Variants in SMARCA2 observed in about 807,000 individuals in gnomAD.
The protein encoded by SMARCA2 is SWI/SNF related BAF chromatin remodeling complex subunit ATPase 2, also known as SWI/SNF-related matrix-associated actin-dependent regulator of chromatin subfamily A member 2.
SMARCA2 carries 61 observed loss-of-function variants against 199.8 expected under a neutral mutation model. The ratio of observed to expected loss-of-function variants is 0.31; its 90% CI spans 0.25 to 0.38. SMARCA2 has a LOEUF of 0.38. Ranked by LOEUF, SMARCA2 falls within the 10% of genes least tolerant of loss-of-function variation. The pLI, the probability that SMARCA2 is intolerant of heterozygous loss-of-function variation, is 1.00. For synonymous variants in SMARCA2, 935 were observed against 732.0 expected (o/e 1.28, Z -4.48); for missense variants, 1,344 against 2,012.2 (o/e 0.67, Z 6.35).
At chr9:2,042,915 T>G (rs1243238990) in intron 4 of SMARCA2, 6 of 152,130 alleles carry the variant, frequency 3.9e-5, no homozygotes, top group Non-Finnish European at 8.8e-5. Flanking sequence ...GCACTGCCAT[T>G]TGACAGCATT....
At chr9:2,078,947 AAAAT>A (rs1186147755) in intron 14 of SMARCA2, among the ~76,000 whole-genome samples, 1 of 152,076 alleles carries the variant, frequency 6.6e-6, no homozygotes, top group Non-Finnish European at 1.5e-5. Context: ...TCTATCCAAA[AAAAT>A]AAATAAATAA....
At chr9:2,035,675 A>G (rs1819298840) in intron 3 of SMARCA2, among the ~76,000 whole-genome samples, 1 of 152,172 alleles carries the variant, frequency 6.6e-6, no homozygotes, top group Non-Finnish European at 1.5e-5. Context: ...TTTGTGTATT[A>G]AAGAGTCAAC....
intron 27 of SMARCA2, among the ~76,000 whole-genome samples, chr9:2,126,458 G>A (rs1258896595): frequency 6.6e-6 from 1 of 152,230 alleles, no homozygotes; most frequent in East Asian, 1.9e-4. Context: ...GTGTTCACCA[G>A]CAGCAATCCT....
At chr9:2,033,120 A>C (rs370152390) in intron 3 of SMARCA2, 39 bp downstream of exon 3, 25 of 1,604,536 alleles carry the variant, frequency 1.6e-5, no homozygotes, top group African/African-American at 4.0e-5. Flanking sequence ...GTTCCCCAGC[A>C]TAGTCTTTCA....
rs1049291071 is a variant in SMARCA2, at chr9:2,056,204, C to T, written c.1174-468C>T. 1.3e-5 allele frequency among the ~76,000 whole-genome samples: 2 copies of T among 152,118 alleles called. No homozygotes were observed. Among genetic ancestry groups the T allele is most frequent in the Non-Finnish European group, 2.9e-5 (2 of 68,024 alleles). On this transcript the variant is annotated intron_variant, in intron 6 of 33. Coordinates refer to ENST00000349721, the MANE Select transcript of SMARCA2 (RefSeq NM_003070.5). The surrounding 1 kb of genome is among the most constrained non-coding windows in gnomAD (Gnocchi z 4.0). ...TCCTTTGTATGAGACTATGAATTAA[C>T]GTTGTTTGAGTACCTGCTGCTACCA...
In SMARCA2 at chr9:2,027,217, C is replaced by T. The variant is rs113001316; in HGVS notation, c.-36-1770C>T. Among the ~76,000 whole-genome samples the T allele has an allele frequency of 1.4e-3, 215 of 152,090 alleles. 1 individual carries two copies. The highest frequency in any genetic ancestry group is 5.0e-3 in the African/African-American group (206 of 41,478). ...AGCGGTTTGGGAGGCTGAGGTGGGA[C>T]GATCACTTGAGGCCAGGAGTTCAAG... On this transcript the variant is annotated intron_variant, in intron 1 of 33. Transcript: ENST00000349721.
At chr9:2,129,288 C>T (rs1393592870) in intron 27 of SMARCA2, among the ~76,000 whole-genome samples, 1 of 152,014 alleles carries the variant, frequency 6.6e-6, no homozygotes, top group South Asian at 2.1e-4. Context: ...CGTGGTGGCA[C>T]GTGCCTGTAG....
At chr9:2,144,805 A>T (rs2130698745) in intron 27 of SMARCA2, among the ~76,000 whole-genome samples, 1 of 151,884 alleles carries the variant, frequency 6.6e-6, no homozygotes, top group East Asian at 1.9e-4. Flanking sequence ...GTTGCTGATC[A>T]CAACTCATCT....
intron 1 of SMARCA2, among the ~76,000 whole-genome samples, chr9:2,015,762 C>G (rs1332086097): frequency 1.3e-5 from 2 of 152,230 alleles, no homozygotes; most frequent in Non-Finnish European, 2.9e-5. Flanking sequence ...AAGCCACAGC[C>G]TTGATCCTGA....
intron 29 of SMARCA2, among the ~76,000 whole-genome samples, chr9:2,177,314 C>T (rs1453280832): frequency 2.0e-5 from 3 of 152,190 alleles, no homozygotes; most frequent in East Asian, 1.9e-4. Context: ...TATTCTAAAT[C>T]ATGACATCAT....
chr9:2,151,358 A>G (rs1182843732), intron 27 of SMARCA2, among the ~76,000 whole-genome samples: 1 of 151,568 alleles, frequency 6.6e-6, no homozygotes, highest in Admixed American at 6.6e-5. Flanking sequence ...AGGAAGTGAA[A>G]TTTGTTGTGA....
rs545924698 is a variant in SMARCA2 at position 2,159,054 on chromosome 9, T to C, written c.3982-2632T>C. On this transcript the variant is annotated intron_variant, in intron 27 of 33. Transcript: ENST00000349721. The stretch of plus-strand genomic sequence containing the variant: ...AATCTGCACGTATTAGCAGTTGTAA[T>C]AAAAATTGTTTCAGTTGTTCTGTTT... The C allele has an allele frequency of 2.3e-3, 3,559 of 1,553,876 alleles. 3 individuals carry two copies. The highest frequency in any genetic ancestry group is 3.0e-3 in the Non-Finnish European group (3,387 of 1,140,808).
intron 31 of SMARCA2, among the ~76,000 whole-genome samples, chr9:2,185,144 C>T (rs776291806): frequency 3.3e-5 from 5 of 152,222 alleles, no homozygotes; most frequent in South Asian, 4.2e-4. Flanking sequence ...TTTAATCTTG[C>T]GACTCTGAAA....
chr9:2,047,109 T>A (rs367652070), intron 4 of SMARCA2, 120 bp from the exon 5 acceptor site: 14 of 584,338 alleles, frequency 2.4e-5, no homozygotes, highest in Non-Finnish European at 3.0e-5. Flanking sequence ...TTCTCTTCCC[T>A]CAGGTGTTTA....
intron 20 of SMARCA2, chr9:2,096,999 C>G: frequency 1.9e-6 from 1 of 533,836 alleles, no homozygotes; most frequent in Admixed American, 3.3e-5. Context: ...CTGCTTATGT[C>G]AATTTTGCAG....
chr9:2,063,667 A>G (rs1820698430), intron 9 of SMARCA2, among the ~76,000 whole-genome samples: 1 of 152,184 alleles, frequency 6.6e-6, no homozygotes, highest in African/African-American at 2.4e-5. Context: ...TTAAAGATGA[A>G]TATGGTTGAC....
intron 1 of SMARCA2, among the ~76,000 whole-genome samples, chr9:2,021,575 C>G (rs1337222587): frequency 6.6e-6 from 1 of 152,234 alleles, no homozygotes; most frequent in Non-Finnish European, 1.5e-5. Context: ...CCTCTCCCAT[C>G]TTCCCCCCTG....
At chr9:2,097,083 G>A in intron 20 of SMARCA2, 1 of 496,352 alleles carries the variant, frequency 2.0e-6, no homozygotes, top group South Asian at 2.6e-5. Flanking sequence ...CTGGGCATCT[G>A]TTCTGTGCTT....
At chr9:2,186,280 A>C in intron 32 of SMARCA2, 52 bp downstream of exon 32, 1 of 1,555,818 alleles carries the variant, frequency 6.4e-7, no homozygotes, top group Non-Finnish European at 8.7e-7. Flanking sequence ...TCACCTGCAT[A>C]GCTGTCTCCA....
Sources: allele counts gnomAD v4.1 joint callset (sites outside exome capture counted in the v4.1 genomes callset), GRCh38; gene constraint gnomAD v4.1.1; non-coding constraint Gnocchi (gnomAD v3.1); transcripts MANE v1.5; gene names NCBI Gene and HGNC (gene_info 2026-07-23, HGNC 2026-07-21).